Variants in ZHX3 observed in about 807,000 individuals in gnomAD.
ZHX3 encodes zinc fingers and homeoboxes protein 3.
In ZHX3, 20 loss-of-function variants were observed where a neutral mutation model predicts 64.5. The ratio of observed to expected loss-of-function variants is 0.31; its 90% confidence interval spans 0.22 to 0.45. ZHX3 has a LOEUF of 0.45. Ranked by LOEUF, ZHX3 falls within the 20% of genes least tolerant of loss-of-function variation. The probability of loss-of-function intolerance (pLI) is 1.00; values close to 1 mark genes in which losing one functional copy is unlikely to be tolerated. For missense variants in ZHX3, 1,041 were observed against 1,195.8 expected (o/e 0.87, Z 1.91); for synonymous variants, 423 against 461.6 (o/e 0.92, Z 1.07).
At chr20:41,227,723 C>G (rs966804636) in intron 2 of ZHX3, among the ~76,000 whole-genome samples, 19 of 152,232 alleles carry the variant, frequency 1.2e-4, no homozygotes, top group African/African-American at 4.3e-4. Flanking sequence ...TTCTATTTAT[C>G]TGTTTTTAAA....
intron 1 of ZHX3, among the ~76,000 whole-genome samples, chr20:41,299,690 T>C (rs1361304994): frequency 2.0e-5 from 3 of 151,934 alleles, no homozygotes; most frequent in African/African-American, 7.3e-5. Flanking sequence ...GGCGAAACCC[T>C]ATCTCTACTA....
intron 3 of ZHX3, among the ~76,000 whole-genome samples, chr20:41,193,605 T>G (rs2037227721): frequency 6.6e-6 from 1 of 152,242 alleles, no homozygotes; most frequent in South Asian, 2.1e-4. Context: ...TACAAATGAT[T>G]TTTTTTGTTT....
At chr20:41,243,590 C>A (rs1276515466) in intron 2 of ZHX3, among the ~76,000 whole-genome samples, 1 of 152,084 alleles carries the variant, frequency 6.6e-6, no homozygotes, top group Non-Finnish European at 1.5e-5. Flanking sequence ...AGTTGGATAC[C>A]AGACTGAATC....
intron 2 of ZHX3, among the ~76,000 whole-genome samples, chr20:41,263,704 T>A (rs931491909): frequency 4.0e-4 from 60 of 151,232 alleles, no homozygotes; most frequent in African/African-American, 1.4e-3. Flanking sequence ...CGGCTGAGGA[T>A]TTTTTTTTAA....
In ZHX3 at chr20:41,270,236, C is replaced by T. The variant is rs116557995; in HGVS notation, c.-244-1153G>A. ...AAACCCCGTCTCTACTAAAAATGGC[C>T]GGGCATGGTGGTGTGCGCCTGTAAT... On this transcript the variant is annotated intron_variant, in intron 1 of 3. Transcript: ENST00000683867. 3.4e-3 allele frequency among the ~76,000 whole-genome samples: 514 copies of T among 149,910 alleles called. 2 individuals are homozygous for T. The highest frequency in any genetic ancestry group is 0.011 in the African/African-American group (451 of 40,704).
At chr20:41,286,875 G>A (rs6072329) in intron 1 of ZHX3, among the ~76,000 whole-genome samples, 60,285 of 151,910 alleles carry the variant, frequency 0.4, 12,419 homozygotes, top group East Asian at 0.75. Flanking sequence ...GTTCTCTCAC[G>A]ATACCTGATT....
At chr20:41,194,830 C>A (rs1385648743) in intron 3 of ZHX3, among the ~76,000 whole-genome samples, 1 of 152,136 alleles carries the variant, frequency 6.6e-6, no homozygotes, top group Non-Finnish European at 1.5e-5. Flanking sequence ...TTTATTGGCA[C>A]ATAACTGTTA....
chr20:41,291,897 G>T (rs1407136388), intron 1 of ZHX3, among the ~76,000 whole-genome samples: 1 of 151,100 alleles, frequency 6.6e-6, no homozygotes, highest in Non-Finnish European at 1.5e-5. Flanking sequence ...TATCATTCAA[G>T]CCTGGCAAGG....
At position 41,239,184 on chromosome 20, in the gene ZHX3, A is replaced by G. The variant is rs543266532; in HGVS notation, c.-151+29806T>C. ...TGCCCCGCTAATTTTTTTTTTTTGT[A>G]TTTTTTAGTAGAAACGGGGTTTCAC... On this transcript the variant is annotated intron_variant, in intron 2 of 3. Coordinates refer to ENST00000683867, the MANE Select transcript of ZHX3 (RefSeq NM_001384317.1). 1.1e-4 allele frequency among the ~76,000 whole-genome samples: 16 copies of G among 143,410 alleles called. 1 individual carries two copies. The South Asian group carries it at 2.5e-3, about 22-fold the overall frequency. 94.1% of individuals were successfully genotyped at this position (143,410 alleles called of 152,430 possible).
rs1160701271 is a variant in ZHX3 at position 41,180,575 on chromosome 20, T to C, written c.*4616A>G. On this transcript the variant is annotated 3_prime_UTR_variant, in exon 4 of 4. Transcript: ENST00000683867. ...TTGTGGGCAGGCAAGAGCTCAGGAA[T>C]GAAGAACCAAAAAGGAGGCTCTCAA... is the stretch of plus-strand genomic sequence containing the variant. 6.6e-6 allele frequency: 1 copy of C among 152,234 alleles called. No individual in the cohort carries two copies. Among genetic ancestry groups the C allele is most frequent in the Non-Finnish European group, 1.5e-5 (1 of 68,086 alleles). 9.4% of individuals were successfully genotyped at this position (152,234 alleles called of 1,614,324 possible).
chr20:41,226,291 G>A lies in ZHX3; in HGVS notation c.-150-21225C>T, dbSNP rs1315487542. 6.6e-6 allele frequency among the ~76,000 whole-genome samples: 1 copy of A among 152,098 alleles called. No individual in the cohort carries two copies. Among genetic ancestry groups the A allele is most frequent in the African/African-American group, 2.4e-5 (1 of 41,404 alleles). Reference sequence around the variant, plus strand: ...GAATGGCATGAACGCGGGAGGTGGAGGTTGCAGTAAACTGAGATCGCGCCA... The same window carrying A: ...GAATGGCATGAACGCGGGAGGTGGAAGTTGCAGTAAACTGAGATCGCGCCA... On this transcript the variant is annotated intron_variant, in intron 2 of 3. Coordinates refer to ENST00000683867, the MANE Select transcript of ZHX3 (RefSeq NM_001384317.1). This position sits in a 1 kb window ranked among gnomAD's most constrained non-coding sequence, Gnocchi z 4.4.
At chr20:41,214,857 C>T (rs985574934) in intron 2 of ZHX3, among the ~76,000 whole-genome samples, 3 of 152,154 alleles carry the variant, frequency 2.0e-5, no homozygotes, top group Non-Finnish European at 4.4e-5. Flanking sequence ...ATGTAAGGTG[C>T]GGCCAAAAGA....
At chr20:41,258,772 T>C (rs936597275) in intron 2 of ZHX3, among the ~76,000 whole-genome samples, 3 of 152,198 alleles carry the variant, frequency 2.0e-5, no homozygotes, top group Non-Finnish European at 4.4e-5. Flanking sequence ...TACCAATTTA[T>C]GACCTCTTTC....
intron 2 of ZHX3, among the ~76,000 whole-genome samples, chr20:41,242,722 G>A (rs192647389): frequency 1.3e-4 from 20 of 152,284 alleles, no homozygotes; most frequent in Admixed American, 9.2e-4. Context: ...TTTCCCTGAT[G>A]TGGACAGACT....
Position 41,183,583 on chromosome 20 carries a change from A to C in ZHX3, c.*1608T>G, listed in dbSNP as rs942583522. 6.6e-6 allele frequency: 1 copy of C among 152,246 alleles called. No homozygotes were observed. The highest frequency in any genetic ancestry group is 2.1e-4 in the South Asian group (1 of 4,816). The allele number at this position is 152,246 out of a possible 1,614,324, so 9.4% of individuals were successfully genotyped here. A position where few individuals can be genotyped will look rare whatever the true frequency, so the allele number is the denominator to read the frequency against. ...GTAGGGGAGAAGGACGGTCCCTAAA[A>C]CACCACCAGTGCTTCTTGCCCAAAG... is the stretch of plus-strand genomic sequence containing the variant. On this transcript the variant is annotated 3_prime_UTR_variant, in exon 4 of 4. Coordinates refer to ENST00000683867, the MANE Select transcript of ZHX3 (RefSeq NM_001384317.1). The surrounding 1 kb of genome is among the most constrained non-coding windows in gnomAD (Gnocchi z 5.3).
At chr20:41,296,471 A>C (rs753020512) in intron 1 of ZHX3, among the ~76,000 whole-genome samples, 2 of 152,164 alleles carry the variant, frequency 1.3e-5, no homozygotes, top group African/African-American at 2.4e-5. Context: ...CATGGAAATA[A>C]TACTACTTGC....
intron 2 of ZHX3, among the ~76,000 whole-genome samples, chr20:41,217,922 A>G (rs2039644019): frequency 1.3e-5 from 2 of 152,202 alleles, no homozygotes; most frequent in South Asian, 4.1e-4. Context: ...CACTACCTGT[A>G]ACTATTTTGA....
intron 1 of ZHX3, among the ~76,000 whole-genome samples, chr20:41,310,640 A>T (rs1387338273): frequency 6.6e-5 from 10 of 152,020 alleles, no homozygotes; most frequent in Middle Eastern, 3.4e-3. Flanking sequence ...TTCTTGAAAG[A>T]TCTCTCTACC....
intron 2 of ZHX3, among the ~76,000 whole-genome samples, chr20:41,221,526 T>C (rs528392077): frequency 5.3e-5 from 8 of 152,004 alleles, no homozygotes; most frequent in South Asian, 2.1e-4. Context: ...AAAAAATAGA[T>C]AGAAATCTCT....
Sources: gnomAD v4.1 joint callset for allele counts (sites outside exome capture counted in the v4.1 genomes callset) on GRCh38, gnomAD v4.1.1 for gene constraint, Gnocchi (gnomAD v3.1) non-coding constraint, MANE v1.5 for transcripts, NCBI Gene and HGNC (gene_info 2026-07-23, HGNC 2026-07-21) for gene names.